MCTP1: variants seen among roughly 807,000 people sequenced by gnomAD.
MCTP1 encodes multiple C2 and transmembrane domain containing 1.
In MCTP1, 69 loss-of-function variants were observed where a neutral mutation model predicts 120.6. The observed-to-expected ratio is 0.57, with a 90% CI of 0.47 to 0.70. MCTP1 has a LOEUF of 0.70. MCTP1 is among the 30% of genes least tolerant of loss of function. The probability of loss-of-function intolerance (pLI) is 0.00; values close to 1 mark genes in which losing one functional copy is unlikely to be tolerated. For missense variants in MCTP1, 1,203 were observed against 1,248.8 expected (o/e 0.96, Z 0.55); for synonymous variants, 529 against 493.1 (o/e 1.07, Z -0.96).
intron 20 of MCTP1, among the ~76,000 whole-genome samples, chr5:94,712,996 T>C (rs1757643816): frequency 1.3e-5 from 2 of 151,974 alleles, no homozygotes; most frequent in South Asian, 4.1e-4. Context: ...TAAAATAAAA[T>C]AAAACTGCCC....
intron 1 of MCTP1, among the ~76,000 whole-genome samples, chr5:95,247,596 G>A (rs1756946166): frequency 6.6e-6 from 1 of 152,074 alleles, no homozygotes; most frequent in African/African-American, 2.4e-5. Flanking sequence ...TTGTGTCTTT[G>A]TTCTCATTGG....
At chr5:95,029,172 G>A (rs997539122) in intron 1 of MCTP1, among the ~76,000 whole-genome samples, 2 of 139,228 alleles carry the variant, frequency 1.4e-5, no homozygotes, top group African/African-American at 5.2e-5. Context: ...AAAAAAAAAT[G>A]TAAAAGTGTT....
At chr5:95,270,931 C>CAA (rs10655109) in intron 1 of MCTP1, among the ~76,000 whole-genome samples, 8 of 145,608 alleles carry the variant, frequency 5.5e-5, no homozygotes, top group Non-Finnish European at 7.5e-5. Flanking sequence ...CTCTCTCTCT[C>CAA]AAAAAAAAAA....
At chr5:94,826,465 G>C (rs1417007519) in intron 17 of MCTP1, 1 of 688,358 alleles carries the variant, frequency 1.5e-6, no homozygotes, top group Non-Finnish European at 2.7e-6. Flanking sequence ...GAAGTGGCCA[G>C]CTTTTCTTGT....
rs539365245 is a variant in MCTP1 at position 94,843,505 on chromosome 5, G to A, written c.2436+24828C>T. ...TGGGTGGGATAAGAAAGGAGTGTAC[G>A]TAAGACACAAGGTTAGGAAGTTAGG... On this transcript the variant is annotated intron_variant, in intron 17 of 22. Coordinates refer to ENST00000515393, the MANE Select transcript of MCTP1 (RefSeq NM_024717.7). Among the ~76,000 whole-genome samples, 8 of 152,308 alleles carry A rather than the reference G, an allele frequency of 5.3e-5. No homozygotes were observed. The South Asian group carries it at 1.7e-3, about 32-fold the overall frequency.
At chr5:94,884,250 G>A (rs936588807) in intron 12 of MCTP1, among the ~76,000 whole-genome samples, 1 of 152,102 alleles carries the variant, frequency 6.6e-6, no homozygotes, top group Non-Finnish European at 1.5e-5. Flanking sequence ...TATTTACCAC[G>A]CAATTCTGTG....
chr5:94,827,410 T>G (rs1295585862), intron 17 of MCTP1, among the ~76,000 whole-genome samples: 1 of 152,214 alleles, frequency 6.6e-6, no homozygotes, highest in Non-Finnish European at 1.5e-5. Flanking sequence ...CATTTTTTCC[T>G]TCATTTCAAC....
At chr5:94,981,606 G>A (rs980686163) in intron 2 of MCTP1, among the ~76,000 whole-genome samples, 1 of 152,174 alleles carries the variant, frequency 6.6e-6, no homozygotes, top group African/African-American at 2.4e-5. Context: ...AGTGTGCTGT[G>A]TGGTGATCAG....
intron 10 of MCTP1, among the ~76,000 whole-genome samples, chr5:94,896,111 C>T (rs1325869854): frequency 6.6e-6 from 1 of 152,066 alleles, no homozygotes; most frequent in Non-Finnish European, 1.5e-5. Context: ...TATCACATCC[C>T]TTATCTCATA....
intron 1 of MCTP1, among the ~76,000 whole-genome samples, chr5:95,047,373 T>C (rs1299015661): frequency 6.6e-6 from 1 of 152,260 alleles, no homozygotes; most frequent in African/African-American, 2.4e-5. Flanking sequence ...ATGTTTCTCA[T>C]GGCCAATTTA....
intron 12 of MCTP1, among the ~76,000 whole-genome samples, chr5:94,878,886 G>A (rs951560920): frequency 6.6e-6 from 1 of 152,018 alleles, no homozygotes; most frequent in Admixed American, 6.6e-5. Context: ...AGAGGGTAGA[G>A]GAGGGGCACT....
At chr5:94,775,331 T>C (rs1297338978) in intron 19 of MCTP1, among the ~76,000 whole-genome samples, 1 of 152,192 alleles carries the variant, frequency 6.6e-6, no homozygotes, top group Non-Finnish European at 1.5e-5. Flanking sequence ...ATGGGAAGCA[T>C]GCCTAAACTT....
chr5:95,167,498 T>G (rs1735000929), intron 1 of MCTP1, among the ~76,000 whole-genome samples: 2 of 152,330 alleles, frequency 1.3e-5, no homozygotes, highest in East Asian at 1.9e-4. Flanking sequence ...ACTTCCACAA[T>G]GGTCAAACTA....
intron 7 of MCTP1, among the ~76,000 whole-genome samples, 193 bp downstream of exon 7, chr5:94,923,769 G>C (rs553361149): frequency 3.0e-4 from 45 of 152,264 alleles, no homozygotes; most frequent in African/African-American, 1.1e-3. Flanking sequence ...AATTTATGAA[G>C]TTCTTAATTT....
chr5:94,935,229 G>C (rs1474900039), intron 5 of MCTP1, among the ~76,000 whole-genome samples: 1 of 151,904 alleles, frequency 6.6e-6, no homozygotes, highest in Non-Finnish European at 1.5e-5. Context: ...AATACAAATT[G>C]CTGCAATTAG....
At chr5:94,817,819 A>G (rs1338552141) in intron 17 of MCTP1, among the ~76,000 whole-genome samples, 2 of 152,154 alleles carry the variant, frequency 1.3e-5, no homozygotes, top group Non-Finnish European at 2.9e-5. Context: ...TGGCCGATCC[A>G]TCATCTCTTA....
chr5:94,961,862 C>G (rs1198820533), intron 2 of MCTP1, among the ~76,000 whole-genome samples: 1 of 152,132 alleles, frequency 6.6e-6, no homozygotes, highest in South Asian at 2.1e-4. Context: ...TGAGACTTGT[C>G]TATTCACCTC....
At chr5:94,890,077 T>A (rs1330863404) in intron 11 of MCTP1, among the ~76,000 whole-genome samples, 3 of 152,182 alleles carry the variant, frequency 2.0e-5, no homozygotes, top group Non-Finnish European at 4.4e-5. Flanking sequence ...TAGCTTACTG[T>A]AACTTCCAAA....
At chr5:94,765,708 GAA>G (rs70978128) in intron 19 of MCTP1, among the ~76,000 whole-genome samples, 12 of 109,112 alleles carry the variant, frequency 1.1e-4, no homozygotes, top group Non-Finnish European at 1.3e-4. Context: ...TCTCAAAAAA[GAA>G]AAAAAAAAAA....
Sources: allele counts gnomAD v4.1 joint callset (sites outside exome capture counted in the v4.1 genomes callset), GRCh38; gene constraint gnomAD v4.1.1; transcripts MANE v1.5; gene names NCBI Gene and HGNC (gene_info 2026-07-23, HGNC 2026-07-21).